Variants in NPY2R observed in about 807,000 individuals in gnomAD.
NPY2R encodes the protein neuropeptide Y receptor Y2.
In NPY2R, 17 loss-of-function variants were observed where a neutral mutation model predicts 22.3. That is an observed-to-expected ratio of 0.76 (90% confidence interval 0.52 to 1.14). The LOEUF (loss-of-function observed/expected upper bound fraction) is 1.14. Ranked by LOEUF, NPY2R falls within the 50% of genes most tolerant of loss-of-function variation. The probability of loss-of-function intolerance (pLI) is 0.00; values close to 1 mark genes in which losing one functional copy is unlikely to be tolerated. For synonymous variants in NPY2R, 209 were observed against 183.4 expected, an observed-to-expected ratio of 1.14 and a Z score of -1.13; for missense variants, 424 against 467.9, an observed-to-expected ratio of 0.91 and a Z score of 0.87.
the NPY2R span, among the ~76,000 whole-genome samples, chr4:155,183,523 T>C: frequency 2.0e-5 from 3 of 152,198 alleles, no homozygotes; most frequent in Non-Finnish European, 2.9e-5. Context: ...GTTTGTTTGT[T>C]TGTTTTTCTG....
the NPY2R span, among the ~76,000 whole-genome samples, chr4:155,193,418 A>T: frequency 6.6e-6 from 1 of 152,018 alleles, no homozygotes; most frequent in South Asian, 2.1e-4. Context: ...TGTGTGAGCC[A>T]TTATTTATCC....
chr4:155,176,960 C>G, the NPY2R span, among the ~76,000 whole-genome samples: 1 of 152,098 alleles, frequency 6.6e-6, no homozygotes, highest in Admixed American at 6.6e-5. Context: ...CCTTCCAGCC[C>G]TTTTTATCAC....
In NPY2R at chr4:155,215,848, GA is replaced by G. The variant is rs1729504559; in HGVS notation, c.*764del. 1 of 166,884 alleles carries G rather than the reference GA, an allele frequency of 6.0e-6. No individual in the cohort carries two copies. The allele number at this position is 166,884 out of a possible 1,614,324, so 10.3% of individuals were successfully genotyped here. On this transcript the variant is annotated 3_prime_UTR_variant, in exon 2 of 2. Coordinates refer to ENST00000329476, the MANE Select transcript of NPY2R (RefSeq NM_000910.4). ...AATTTCAAGTTACATCCGCTTTATGGAGATACTATTTAGATAACAAGAATAC... is the reference window on the plus strand; with the variant it reads ...AATTTCAAGTTACATCCGCTTTATGGGATACTATTTAGATAACAAGAATAC...
At chr4:155,191,415 G>C in the NPY2R span, among the ~76,000 whole-genome samples, 1 of 151,936 alleles carries the variant, frequency 6.6e-6, no homozygotes, top group South Asian at 2.1e-4. Context: ...TGGAACTGTA[G>C]CCTAACCAGA....
At chr4:155,212,595 G>T (rs1729428409) in intron 1 of NPY2R, among the ~76,000 whole-genome samples, 2 of 152,152 alleles carry the variant, frequency 1.3e-5, no homozygotes, top group African/African-American at 2.4e-5. Context: ...GCATTGAGTA[G>T]ACACTCGATT....
chr4:155,194,745 G>A, the NPY2R span, among the ~76,000 whole-genome samples: 3 of 151,882 alleles, frequency 2.0e-5, no homozygotes, highest in African/African-American at 7.2e-5. Flanking sequence ...ATATTCCTTT[G>A]AGTGTATACC....
chr4:155,207,612 C>T (rs185509188), upstream of NPY2R: 4 of 152,374 alleles, frequency 2.6e-5, no homozygotes, highest in Middle Eastern at 3.4e-3. Context: ...GGAGGAATCC[C>T]GAGGAAATAG....
At chr4:155,206,348 T>A (rs1214585247), upstream of NPY2R, among the ~76,000 whole-genome samples, 1 of 152,240 alleles carries the variant, frequency 6.6e-6, no homozygotes, top group Non-Finnish European at 1.5e-5. Flanking sequence ...CCTGTCAGTG[T>A]CACAACTGGG....
the NPY2R span, among the ~76,000 whole-genome samples, chr4:155,191,638 C>A: frequency 6.6e-6 from 1 of 151,848 alleles, no homozygotes; most frequent in South Asian, 2.1e-4. Flanking sequence ...AACTAAGTGG[C>A]AAACCCTTAT....
the NPY2R span, among the ~76,000 whole-genome samples, chr4:155,176,191 G>T: frequency 1.5e-4 from 23 of 152,082 alleles, no homozygotes; most frequent in Non-Finnish European, 2.9e-4. Flanking sequence ...TTAGTTGGTT[G>T]GTGAGATGGG....
chr4:155,181,228 C>T, the NPY2R span, among the ~76,000 whole-genome samples: 1 of 152,148 alleles, frequency 6.6e-6, no homozygotes, highest in African/African-American at 2.4e-5. Context: ...TGCCCTGATA[C>T]TTCAGGATAT....
upstream of NPY2R, among the ~76,000 whole-genome samples, chr4:155,204,150 G>A (rs527821990): frequency 1.3e-3 from 194 of 151,774 alleles, no homozygotes; most frequent in Non-Finnish European, 2.2e-3. Flanking sequence ...GGTTGATATG[G>A]CTTACAAGTT....
upstream of NPY2R, among the ~76,000 whole-genome samples, chr4:155,205,803 TGCTATCTATCTA>T (rs1454820125): frequency 2.5e-5 from 3 of 121,494 alleles, no homozygotes; most frequent in African/African-American, 9.4e-5. Context: ...TGAGTCAGGC[TGCTATCTATCTA>T]TCTATCTATC....
In NPY2R at chr4:155,212,455, G is replaced by A. The variant is rs192960402; in HGVS notation, c.-48-1437G>A. On this transcript the variant is annotated intron_variant, in intron 1 of 1. Transcript: ENST00000329476. ...AGGCATTGTCCAGTAAAATGTGAGA[G>A]CCTTAGAGTAGAGGTACTATCCTCT... 1.9e-3 allele frequency among the ~76,000 whole-genome samples: 288 copies of A among 152,262 alleles called. 1 individual carries two copies. The highest frequency in any genetic ancestry group is 6.8e-3 in the Middle Eastern group (2 of 294).
chr4:155,212,894 G>C (rs1326087385), intron 1 of NPY2R, among the ~76,000 whole-genome samples: 1 of 152,150 alleles, frequency 6.6e-6, no homozygotes, highest in Non-Finnish European at 1.5e-5. Context: ...TTTCCTTAGA[G>C]CATTGAGTGG....
chr4:155,174,479 TATATA>T, the NPY2R span, among the ~76,000 whole-genome samples: 3 of 90,816 alleles, frequency 3.3e-5, no homozygotes, highest in African/African-American at 1.7e-4. Flanking sequence ...TATATATATA[TATATA>T]TTTTTTTTTT....
upstream of NPY2R, chr4:155,206,683 C>T (rs1001219603): frequency 6.6e-6 from 1 of 152,188 alleles, no homozygotes; most frequent in Non-Finnish European, 1.5e-5. Flanking sequence ...GTTATGGCTG[C>T]TAATACGCTT....
At chr4:155,180,811 T>G in the NPY2R span, among the ~76,000 whole-genome samples, 2 of 151,700 alleles carry the variant, frequency 1.3e-5, no homozygotes, top group South Asian at 4.1e-4. Flanking sequence ...ATTTTCTTGA[T>G]TTTAACATTT....
At chr4:155,191,005 A>G in the NPY2R span, among the ~76,000 whole-genome samples, 1 of 151,964 alleles carries the variant, frequency 6.6e-6, no homozygotes, top group Non-Finnish European at 1.5e-5. Context: ...TTTCTTAATT[A>G]TCACAGAATT....
Sources: gnomAD v4.1 joint callset for allele counts (sites outside exome capture counted in the v4.1 genomes callset) on GRCh38, gnomAD v4.1.1 for gene constraint, MANE v1.5 for transcripts, NCBI Gene and HGNC (gene_info 2026-07-23, HGNC 2026-07-21) for gene names.